Variants in RGS22 observed in about 807,000 individuals in gnomAD.
RGS22 encodes regulator of G-protein signaling 22.
Under a neutral mutation model 172.9 loss-of-function variants are expected in RGS22, and 148 were observed. That is an observed-to-expected ratio of 0.86 (90% CI 0.75 to 0.98). RGS22 has a LOEUF of 0.98. RGS22 is among the 50% of genes least tolerant of loss of function. RGS22 has a pLI of 0.00. For synonymous variants in RGS22, 458 were observed against 480.2 expected (o/e 0.95, Z 0.60); for missense variants, 1,347 against 1,440.8 (o/e 0.93, Z 1.05).
intron 4 of RGS22, among the ~76,000 whole-genome samples, chr8:100,076,978 G>C (rs1288106296): frequency 6.6e-6 from 1 of 151,924 alleles, no homozygotes; most frequent in Non-Finnish European, 1.5e-5. Context: ...GGGCATCAGA[G>C]CGAGACCCTG....
intron 21 of RGS22, among the ~76,000 whole-genome samples, chr8:99,986,450 T>A (rs1202445598): frequency 1.3e-5 from 2 of 152,222 alleles, no homozygotes; most frequent in Non-Finnish European, 2.9e-5. Flanking sequence ...TGTTAATTTT[T>A]ATTCCTCATG....
At chr8:100,076,356 T>A (rs1439697111) in intron 4 of RGS22, among the ~76,000 whole-genome samples, 1 of 152,196 alleles carries the variant, frequency 6.6e-6, no homozygotes, top group Non-Finnish European at 1.5e-5. Flanking sequence ...CTGGATTTAA[T>A]TTGCTGATTT....
chr8:100,041,053 A>G (rs1820048223), intron 12 of RGS22, among the ~76,000 whole-genome samples: 1 of 152,216 alleles, frequency 6.6e-6, no homozygotes, highest in Admixed American at 6.5e-5. Flanking sequence ...AATTATAGCT[A>G]AGTGTTCAGA....
intron 2 of RGS22, among the ~76,000 whole-genome samples, chr8:100,095,603 GATATAA>G (rs1458640421): frequency 2.6e-5 from 4 of 152,138 alleles, no homozygotes; most frequent in Non-Finnish European, 1.5e-5. Context: ...AAATTTAACA[GATATAA>G]ATATACTCTG....
At position 99,987,458 on chromosome 8, in the gene RGS22, C is replaced by A. The variant is rs982846019; in HGVS notation, c.3180G>T (p.Lys1060Asn). ...LLFWQEVQKYKDLCHSHCDES... is the reference protein window; with the variant it reads ...LLFWQEVQKYNDLCHSHCDES... The stretch of plus-strand genomic sequence containing the variant: ...TTTTCTCTAGCTCCCAATACAATAC[C>A]TTATATTTTTGTACTTCTTGCCAAA... The change falls in exon 21 of 28, where the codon AAG becomes AAT. Residue 1060 changes from lysine (K) to asparagine (N), a missense_variant and splice_region_variant. Physicochemically the swap from Lys to Asn is moderately conservative, Grantham distance 94. Transcript: ENST00000360863. 2 of 1,599,266 alleles carry A rather than the reference C, an allele frequency of 1.3e-6. No individual in the cohort carries two copies. The highest frequency in any genetic ancestry group is 1.7e-5 in the Admixed American group (1 of 59,008).
chr8:100,051,613 T>A (rs535101365), intron 10 of RGS22, among the ~76,000 whole-genome samples: 159 of 14,138 alleles, frequency 0.011, 36 homozygotes, highest in African/African-American at 0.037. Flanking sequence ...TTATATATGT[T>A]TATACATATA....
Position 100,080,203 on chromosome 8 carries a change from A to G in RGS22, c.270T>C (p.Asn90=), listed in dbSNP as rs1811650462. The part of the protein sequence containing the change: ...PIYDVVRKGK[N]EVKPVQMNAP... The stretch of plus-strand genomic sequence containing the variant: ...CATTCATTTGAACAGGTTTAACCTC[A>G]TTCTTTCCTTTCCTTACAACATCAT... The change falls in exon 4 of 28, where the codon AAT becomes AAC. Residue 90 remains asparagine, a synonymous_variant. Coordinates refer to ENST00000360863, the MANE Select transcript of RGS22 (RefSeq NM_015668.5). 1 of 1,613,856 alleles carries G rather than the reference A, an allele frequency of 6.2e-7. No individual in the cohort carries two copies. The highest frequency in any genetic ancestry group is 1.3e-5 in the African/African-American group (1 of 75,048).
intron 3 of RGS22, 43 bp from the exon 4 acceptor site, chr8:100,080,398 G>A (rs1254127696): frequency 7.3e-7 from 1 of 1,377,298 alleles, no homozygotes; most frequent in Non-Finnish European, 1.0e-6. Flanking sequence ...TTTTAAACCT[G>A]GAAACTCATG....
At chr8:100,104,495 G>C (rs1813767389) in intron 2 of RGS22, among the ~76,000 whole-genome samples, 1 of 151,068 alleles carries the variant, frequency 6.6e-6, no homozygotes, top group Non-Finnish European at 1.5e-5. Flanking sequence ...GTGTGTGTCT[G>C]TCTCTCCCAG....
Position 99,974,629 on chromosome 8 carries a change from C to T in RGS22, c.3519+3288G>A, listed in dbSNP as rs530068771. On this transcript the variant is annotated intron_variant, in intron 23 of 27. Coordinates refer to ENST00000360863, the MANE Select transcript of RGS22 (RefSeq NM_015668.5). Reference sequence around the variant, plus strand: ...CCTGGCCAACATGGTGAAACCCCATCTCTACTAAAAATACAAAAATTAGCC... The same window carrying T: ...CCTGGCCAACATGGTGAAACCCCATTTCTACTAAAAATACAAAAATTAGCC... Among the ~76,000 whole-genome samples, 386 of 151,252 alleles carry T rather than the reference C, an allele frequency of 2.6e-3. 2 individuals carry two copies. The highest frequency in any genetic ancestry group is 0.017 in the Middle Eastern group (5 of 286).
chr8:100,051,338 A>G (rs542258167), intron 10 of RGS22, among the ~76,000 whole-genome samples: 1 of 147,864 alleles, frequency 6.8e-6, no homozygotes, highest in South Asian at 2.1e-4. Flanking sequence ...TTCTGAGTGA[A>G]AAAGAAGACC....
intron 9 of RGS22, among the ~76,000 whole-genome samples, chr8:100,057,616 C>T (rs1418684809): frequency 1.3e-5 from 2 of 152,144 alleles, no homozygotes; most frequent in Non-Finnish European, 2.9e-5. Flanking sequence ...AGGTCCCCTG[C>T]ACAAGCTGTC....
chr8:100,036,546 T>C lies in RGS22; in HGVS notation c.2166+2385A>G, dbSNP rs192271023. ...CTCTTGAAATCAAATCTCAGTCTCC[T>C]AGCACACGAATTGGCAGAAACTTGA... On this transcript the variant is annotated intron_variant, in intron 14 of 27. Coordinates refer to ENST00000360863, the MANE Select transcript of RGS22 (RefSeq NM_015668.5). 2.0e-3 allele frequency among the ~76,000 whole-genome samples: 299 copies of C among 152,318 alleles called. 1 individual carries two copies. The highest frequency in any genetic ancestry group is 7.0e-3 in the African/African-American group (292 of 41,570).
intron 3 of RGS22, among the ~76,000 whole-genome samples, chr8:100,089,619 G>A (rs1394426852): frequency 6.6e-6 from 1 of 152,030 alleles, no homozygotes; most frequent in East Asian, 1.9e-4. Context: ...ACCAAAAATG[G>A]AACACAACGG....
intron 3 of RGS22, among the ~76,000 whole-genome samples, chr8:100,086,595 T>C (rs1241459740): frequency 6.6e-6 from 1 of 151,944 alleles, no homozygotes; most frequent in Admixed American, 6.6e-5. Flanking sequence ...GCTGAAAAAC[T>C]ACTGGGTACT....
chr8:100,007,773 C>T (rs1041374226), intron 15 of RGS22, among the ~76,000 whole-genome samples: 20 of 146,638 alleles, frequency 1.4e-4, no homozygotes, highest in African/African-American at 3.8e-4. Context: ...ATAAGAAAAC[C>T]GGCAAAAAAA....
chr8:100,088,701 G>C (rs1026051550), intron 3 of RGS22, among the ~76,000 whole-genome samples: 3 of 152,088 alleles, frequency 2.0e-5, no homozygotes, highest in Non-Finnish European at 2.9e-5. Context: ...ACCAGTTTCA[G>C]GATCTTACAA....
intron 23 of RGS22, among the ~76,000 whole-genome samples, chr8:99,968,039 G>A (rs921912205): frequency 3.3e-5 from 5 of 152,220 alleles, no homozygotes; most frequent in African/African-American, 1.2e-4. Flanking sequence ...AGAAGGAGCA[G>A]GCAGCAATCT....
intron 18 of RGS22, among the ~76,000 whole-genome samples, chr8:99,999,970 G>C (rs899962594): frequency 6.6e-6 from 1 of 152,200 alleles, no homozygotes; most frequent in African/African-American, 2.4e-5. Context: ...TGCAGTTGTA[G>C]TGATAGCAAT....
Sources: allele counts gnomAD v4.1 joint callset (sites outside exome capture counted in the v4.1 genomes callset), GRCh38; gene constraint gnomAD v4.1.1; transcripts MANE v1.5; gene names NCBI Gene and HGNC (gene_info 2026-07-23, HGNC 2026-07-21).